The following AMOTL1 variants were observed in gnomAD, a reference collection of about 807,000 sequenced individuals.
AMOTL1 encodes the protein angiomotin-like protein 1.
A neutral mutation model predicts 102.9 loss-of-function variants in AMOTL1; 45 were observed. The ratio of observed to expected loss-of-function variants is 0.44; its 90% CI spans 0.34 to 0.56. The LOEUF (loss-of-function observed/expected upper bound fraction) is 0.56. Among genes scored for constraint, AMOTL1 ranks in the 20% least tolerant of loss-of-function variants. The pLI is 0.01. For synonymous variants in AMOTL1, 481 were observed against 484.7 expected, an observed-to-expected ratio of 0.99 and a Z score of 0.10; for missense variants, 1,114 against 1,225.6, an observed-to-expected ratio of 0.91 and a Z score of 1.36.
At chr11:94,722,243 C>T (rs1353701800) in intron 1 of AMOTL1, among the ~76,000 whole-genome samples, 2 of 152,052 alleles carry the variant, frequency 1.3e-5, no homozygotes, top group Non-Finnish European at 2.9e-5. Context: ...TTTTACACAT[C>T]TTTTTTTCAG....
At chr11:94,751,498 A>G (rs1179599465) in intron 3 of AMOTL1, among the ~76,000 whole-genome samples, 1 of 152,146 alleles carries the variant, frequency 6.6e-6, no homozygotes, top group East Asian at 1.9e-4. Context: ...TAAGGAGAAT[A>G]CAAAAGGACG....
At chr11:94,734,004 G>A (rs566467034) in intron 2 of AMOTL1, among the ~76,000 whole-genome samples, 5 of 152,276 alleles carry the variant, frequency 3.3e-5, no homozygotes, top group South Asian at 2.1e-4. Flanking sequence ...GGTGGGGAAC[G>A]CAGTGCAGGA....
Position 94,831,505 on chromosome 11 carries a change from G to C in AMOTL1, c.1612G>C (p.Glu538Gln). 6.2e-7 allele frequency: 1 copy of C among 1,613,964 alleles called. No homozygotes were observed. Among genetic ancestry groups the C allele is most frequent in the Non-Finnish European group, 8.5e-7 (1 of 1,179,828 alleles). The change falls in exon 6 of 13, where the codon GAA becomes CAA. Residue 538 changes from glutamate to glutamine, a missense_variant. Physicochemically the swap from Glu to Gln is conservative, Grantham distance 29. Transcript: ENST00000433060. ...QLSSREYEGHEDKAAEGHYAS... is the reference protein window; with the variant it reads ...QLSSREYEGHQDKAAEGHYAS... ...ATCCAGCAGGGAATACGAAGGGCAT[G>C]AAGACAAAGCTGCAGAGGGGCATTA...
At chr11:94,833,996 G>A (rs536302147) in intron 6 of AMOTL1, among the ~76,000 whole-genome samples, 1 of 152,338 alleles carries the variant, frequency 6.6e-6, no homozygotes, top group South Asian at 2.1e-4. Flanking sequence ...CCACAGCTCA[G>A]TGAGCAGGTA....
At chr11:94,841,190 C>T (rs1241242807) in intron 6 of AMOTL1, among the ~76,000 whole-genome samples, 2 of 152,174 alleles carry the variant, frequency 1.3e-5, no homozygotes, top group African/African-American at 2.4e-5. Flanking sequence ...CCTGTAATCC[C>T]AGCACTTTGG....
intron 8 of AMOTL1, among the ~76,000 whole-genome samples, chr11:94,855,369 G>C (rs1335356502): frequency 1.3e-5 from 2 of 152,178 alleles, no homozygotes; most frequent in African/African-American, 4.8e-5. Flanking sequence ...GAAAAGGCAG[G>C]TCTGTCTGTG....
intron 2 of AMOTL1, among the ~76,000 whole-genome samples, chr11:94,734,740 G>A (rs1950410924): frequency 6.6e-6 from 1 of 152,274 alleles, no homozygotes; most frequent in Admixed American, 6.5e-5. Flanking sequence ...GGAGAGAGAA[G>A]GCTACCTGCA....
intron 1 of AMOTL1, among the ~76,000 whole-genome samples, chr11:94,718,524 A>T (rs1950129513): frequency 6.6e-6 from 1 of 152,016 alleles, no homozygotes; most frequent in South Asian, 2.1e-4. Flanking sequence ...AACTGTTTTT[A>T]GCATATTTTT....
In AMOTL1 at chr11:94,830,219, T is replaced by G. The variant is rs746898296; in HGVS notation, c.1558+25T>G. 9 of 1,575,644 alleles carry G rather than the reference T, an allele frequency of 5.7e-6. No homozygotes were observed. The African/African-American group carries it at 1.2e-4, about 22-fold the overall frequency. ...GGCAGGTTTATTCATGTTCTCTCTA[T>G]CTAAACTACCTGTAGAGTTTTAGTG... On this transcript the variant is annotated intron_variant, in intron 5 of 12. Coordinates refer to ENST00000433060, the MANE Select transcript of AMOTL1 (RefSeq NM_130847.3).
At chr11:94,826,644 G>C (rs535853747) in intron 4 of AMOTL1, among the ~76,000 whole-genome samples, 1 of 152,146 alleles carries the variant, frequency 6.6e-6, no homozygotes, top group Admixed American at 6.5e-5. Flanking sequence ...GCAAAATCCA[G>C]TCTAGTCTTA....
intron 3 of AMOTL1, among the ~76,000 whole-genome samples, chr11:94,818,952 T>C (rs1317754204): frequency 6.6e-6 from 1 of 152,190 alleles, no homozygotes; most frequent in Non-Finnish European, 1.5e-5. Context: ...GGACTTCAGA[T>C]AATATGGCCT....
At chr11:94,760,569 A>T (rs1384160640) in intron 3 of AMOTL1, among the ~76,000 whole-genome samples, 1 of 152,148 alleles carries the variant, frequency 6.6e-6, no homozygotes, top group Non-Finnish European at 1.5e-5. Context: ...TATGTGGCCA[A>T]ACCTTCCTGT....
intron 4 of AMOTL1, among the ~76,000 whole-genome samples, chr11:94,827,357 C>T (rs1951986831): frequency 6.6e-6 from 1 of 152,220 alleles, no homozygotes; most frequent in African/African-American, 2.4e-5. Flanking sequence ...GTGGTACTCT[C>T]ATCTTCCCTG....
intron 4 of AMOTL1, among the ~76,000 whole-genome samples, chr11:94,829,269 G>A (rs1192999752): frequency 6.7e-6 from 1 of 150,186 alleles, no homozygotes; most frequent in Non-Finnish European, 1.5e-5. Context: ...GTTGCCCTAG[G>A]CTGGAGTGCA....
At position 94,874,168 on chromosome 11, in the gene AMOTL1, A is replaced by C. The variant is rs1012441286; in HGVS notation, c.*3373A>C. On this transcript the variant is annotated 3_prime_UTR_variant, in exon 13 of 13. Transcript: ENST00000433060. ...GTTGGAGTCAGGTCTCTGAAGCTAGAGTTTCACTAATTAGATGCCTCTGTA... is the reference window on the plus strand; with the variant it reads ...GTTGGAGTCAGGTCTCTGAAGCTAGCGTTTCACTAATTAGATGCCTCTGTA... 2.0e-5 allele frequency: 3 copies of C among 152,248 alleles called. No individual in the cohort carries two copies. The highest frequency in any genetic ancestry group is 4.4e-5 in the Non-Finnish European group (3 of 68,056). The allele number at this position is 152,248 out of a possible 1,614,324, so 9.4% of individuals were successfully genotyped here.
At chr11:94,765,269 C>T (rs1219920858), upstream of AMOTL1, among the ~76,000 whole-genome samples, 2 of 152,166 alleles carry the variant, frequency 1.3e-5, no homozygotes, top group Non-Finnish European at 1.5e-5. Flanking sequence ...TGGTTCACTA[C>T]CTTGCTGTTA....
At position 94,768,569 on chromosome 11, in the gene AMOTL1, C is replaced by G; in HGVS notation, c.49+9C>G. ...TGAGCCTGCGGTGAAAGGTAACCAG[C>G]CCCCACTCGAGGTGCCGGGAGGGCG... On this transcript the variant is annotated intron_variant, in intron 1 of 12. Transcript: ENST00000433060. 2 of 1,590,870 alleles carry G rather than the reference C, an allele frequency of 1.3e-6. No individual in the cohort carries two copies. The highest frequency in any genetic ancestry group is 1.7e-6 in the Non-Finnish European group (2 of 1,169,136).
intron 3 of AMOTL1, among the ~76,000 whole-genome samples, chr11:94,807,596 C>T (rs367664793): frequency 5.3e-5 from 8 of 152,080 alleles, no homozygotes; most frequent in South Asian, 2.1e-4. Context: ...TAGCTCCTTC[C>T]GGTCTTTTTT....
At chr11:94,786,755 T>C (rs1015797707) in intron 1 of AMOTL1, among the ~76,000 whole-genome samples, 9 of 152,178 alleles carry the variant, frequency 5.9e-5, no homozygotes, top group Non-Finnish European at 1.0e-4. Flanking sequence ...GTTTCCTGAG[T>C]AGTTTGAAGG....
Sources: allele counts gnomAD v4.1 joint callset (sites outside exome capture counted in the v4.1 genomes callset), GRCh38; gene constraint gnomAD v4.1.1; transcripts MANE v1.5; gene names NCBI Gene and HGNC (gene_info 2026-07-23, HGNC 2026-07-21).